The following SLU7 variants were observed in gnomAD, a reference collection of about 807,000 sequenced individuals.
The protein encoded by SLU7 is pre-mRNA-splicing factor SLU7.
Under a neutral mutation model 87.0 loss-of-function variants are expected in SLU7, and 60 were observed. The observed-to-expected ratio is 0.69, with a 90% CI of 0.56 to 0.86. SLU7 has a LOEUF of 0.86. Among genes scored for constraint, SLU7 ranks in the 40% least tolerant of loss-of-function variants. The pLI, the probability that SLU7 is intolerant of heterozygous loss-of-function variation, is 0.00. For synonymous variants in SLU7, 197 were observed against 222.0 expected (o/e 0.89, Z 1.00); for missense variants, 507 against 686.6 (o/e 0.74, Z 2.92).
At position 160,408,480 on chromosome 5, in the gene SLU7, G is replaced by C. The variant is rs777783134; in HGVS notation, c.688-20C>G. ...TTTTTCCTAAAAGAGGGAGAGGAAG[G>C]AAAAGTAAGAAGAAAAGAAAGCAGC... On this transcript the variant is annotated intron_variant, in intron 7 of 15. Transcript: ENST00000297151. 127 of 1,574,204 alleles carry C rather than the reference G, an allele frequency of 8.1e-5. 2 individuals carry two copies. The South Asian group carries it at 1.5e-3, about 18-fold the overall frequency.
At chr5:160,403,648 A>G (rs1764882000) in intron 15 of SLU7, among the ~76,000 whole-genome samples, 184 bp from the exon 16 acceptor site, 2 of 152,266 alleles carry the variant, frequency 1.3e-5, no homozygotes, top group African/African-American at 4.8e-5. Flanking sequence ...TTTGGCTTAT[A>G]TGATATTTTT....
intron 2 of SLU7, among the ~76,000 whole-genome samples, chr5:160,414,713 G>A (rs900298544): frequency 6.6e-6 from 1 of 152,074 alleles, no homozygotes; most frequent in African/African-American, 2.4e-5. Flanking sequence ...ACTGAAGGGG[G>A]ACAAGAGAGG....
rs768438795 is a variant in SLU7, at chr5:160,404,540, A to G, written c.1481T>C (p.Leu494Pro). The G allele has an allele frequency of 1.2e-6, 2 of 1,601,552 alleles. No homozygotes were observed. Among genetic ancestry groups the G allele is most frequent in the Non-Finnish European group, 8.5e-7 (1 of 1,172,876 alleles). ...QTLMELHQEK[L>P]KEEKKKKKKK... ...TTTCTTCTTCTTCTTTTCCTCTTTC[A>G]GTTTTTCTTGATGCAGCTGAAAGGG... The change falls in exon 15 of 16, where the codon CTG (leucine) becomes CCG (proline). Residue 494 changes from leucine (L) to proline (P), a missense_variant. This residue lies in a region of SLU7 where 201 missense variants were observed against 213.4 expected (regional missense o/e 0.94). Coordinates refer to ENST00000297151, the MANE Select transcript of SLU7 (RefSeq NM_006425.5).
intron 4 of SLU7, 54 bp downstream of exon 4, chr5:160,413,845 A>G (rs1765341830): frequency 7.8e-7 from 1 of 1,282,300 alleles, no homozygotes; most frequent in Non-Finnish European, 1.1e-6. Flanking sequence ...TCTCTGACAA[A>G]GAAAAAAGAA....
chr5:160,404,170 A>C (rs574561273), intron 15 of SLU7, among the ~76,000 whole-genome samples: 2 of 152,184 alleles, frequency 1.3e-5, no homozygotes, highest in Non-Finnish European at 2.9e-5. Flanking sequence ...TTGAGACCAG[A>C]CTGGGCAACA....
chr5:160,412,599 A>T, intron 5 of SLU7, 80 bp from the exon 6 acceptor site: 1 of 795,076 alleles, frequency 1.3e-6, no homozygotes, highest in Non-Finnish European at 2.0e-6. Flanking sequence ...TCACCACCTA[A>T]ATTTTTATAT....
rs528711179 is a variant in SLU7, at chr5:160,417,652, C to T, written c.-17+1371G>A. Among the ~76,000 whole-genome samples, 192 of 152,152 alleles carry T rather than the reference C, an allele frequency of 1.3e-3. 2 individuals are homozygous for T. The highest frequency in any genetic ancestry group is 4.4e-3 in the African/African-American group (183 of 41,516). On this transcript the variant is annotated intron_variant, in intron 1 of 15. Coordinates refer to ENST00000297151, the MANE Select transcript of SLU7 (RefSeq NM_006425.5). Reference sequence around the variant, plus strand: ...AGCATATACAAAAAAATCAGCCAGGCGTGGTGGCGTGCACCTGTAATCCTA... The same window carrying T: ...AGCATATACAAAAAAATCAGCCAGGTGTGGTGGCGTGCACCTGTAATCCTA...
In SLU7 at chr5:160,408,404, G is replaced by A. The variant is rs753516578; in HGVS notation, c.744C>T (p.Asp248=). The A allele has an allele frequency of 1.2e-6, 2 of 1,610,502 alleles. No individual in the cohort carries two copies. The highest frequency in any genetic ancestry group is 1.7e-6 in the Non-Finnish European group (2 of 1,177,938). ...EDEDKYADDI[D]MPGQNFDSKR... is the part of the protein sequence containing the mutation. ...TGGAGTCAAAATTCTGTCCAGGCATGTCAATATCATCTGCATATTTATCTT... is the reference window on the plus strand; with the variant it reads ...TGGAGTCAAAATTCTGTCCAGGCATATCAATATCATCTGCATATTTATCTT... The change falls in exon 8 of 16, where the codon GAC becomes GAT. Residue 248 remains aspartate (D), a synonymous_variant. Transcript: ENST00000297151.
rs536101888 is a variant in SLU7, at chr5:160,403,080, C to T, written c.*205G>A. Reference sequence around the variant, plus strand: ...TCTTAATCCAATTTTAAATTCTATTCCCAAAAGCACACTTCATGTGCCTCT... The same window carrying T: ...TCTTAATCCAATTTTAAATTCTATTTCCAAAAGCACACTTCATGTGCCTCT... On this transcript the variant is annotated 3_prime_UTR_variant, in exon 16 of 16. Transcript: ENST00000297151. The T allele has an allele frequency of 2.6e-5, 10 of 382,352 alleles. No homozygotes were observed. The highest frequency in any genetic ancestry group is 4.6e-5 in the Non-Finnish European group (10 of 216,818). 23.7% of individuals were successfully genotyped at this position (382,352 alleles called of 1,614,324 possible).
chr5:160,404,433 A>G lies in SLU7; in HGVS notation c.1581+7T>C. ...GTCACTTTTACTATTTAGACTTCAC[A>G]AATTACCTTTTTCAATTTTTCATGC... On this transcript the variant is annotated splice_region_variant and intron_variant, in intron 15 of 15. Coordinates refer to ENST00000297151, the MANE Select transcript of SLU7 (RefSeq NM_006425.5). 1.3e-6 allele frequency: 2 copies of G among 1,517,632 alleles called. No individual in the cohort carries two copies. Among genetic ancestry groups the G allele is most frequent in the Non-Finnish European group, 1.8e-6 (2 of 1,101,192 alleles). The allele number at this position is 1,517,632 out of a possible 1,614,324, so 94.0% of individuals were successfully genotyped here.
Position 160,414,470 on chromosome 5 carries a change from T to C in SLU7, c.173A>G (p.Asp58Gly). ...APAEVDEEGK[D>G]INPHIPQYIS... ...ATACTGAGGAATATGGGGGTTGATG[T>C]CTCTGTAATTAAAGTAAAAAAAAAA... The change falls in exon 3 of 16, where the codon GAC becomes GGC. Residue 58 changes from aspartate (D) to glycine (G), a missense_variant and splice_region_variant. Asp to Gly is a moderately conservative substitution (Grantham distance 94). Coordinates refer to ENST00000297151, the MANE Select transcript of SLU7 (RefSeq NM_006425.5). 6.5e-7 allele frequency: 1 copy of C among 1,529,014 alleles called. No homozygotes were observed. Among genetic ancestry groups the C allele is most frequent in the Non-Finnish European group, 8.8e-7 (1 of 1,142,670 alleles). The allele number at this position is 1,529,014 out of a possible 1,614,324, so 94.7% of individuals were successfully genotyped here.
At chr5:160,412,809 G>A (rs936616012) in intron 5 of SLU7, among the ~76,000 whole-genome samples, 3 of 152,038 alleles carry the variant, frequency 2.0e-5, no homozygotes, top group Admixed American at 1.3e-4. Flanking sequence ...ACAAAAACAA[G>A]CAGTTGCCAC....
chr5:160,406,348 A>AAT (rs1765011155), intron 12 of SLU7, 120 bp downstream of exon 12: 4 of 617,596 alleles, frequency 6.5e-6, no homozygotes, highest in African/African-American at 2.0e-5. Context: ...AACAGTTAAA[A>AAT]TTTTTTTTTT....
rs936717480 is a variant in SLU7 at position 160,419,036 on chromosome 5, A to T, written c.-30T>A. On this transcript the variant is annotated 5_prime_UTR_variant, in exon 1 of 16. Transcript: ENST00000297151. ...ATATTTTCTTACCCAGCCCCGCCGC[A>T]GCTAGCCCCAAGTCCATCCGACAGA... The T allele has an allele frequency of 6.6e-6, 1 of 152,272 alleles. No individual in the cohort carries two copies. Among genetic ancestry groups the T allele is most frequent in the African/African-American group, 2.4e-5 (1 of 41,472 alleles). 9.4% of individuals were successfully genotyped at this position (152,272 alleles called of 1,614,324 possible).
Position 160,412,459 on chromosome 5 carries a change from C to G in SLU7, c.631G>C (p.Glu211Gln). 6.6e-7 allele frequency: 1 copy of G among 1,524,790 alleles called. No individual in the cohort carries two copies. The highest frequency in any genetic ancestry group is 1.2e-5 in the South Asian group (1 of 83,464). 94.5% of individuals were successfully genotyped at this position (1,524,790 alleles called of 1,614,324 possible). ...TCATTTTCATTACTTACAGCCTGTT[C>G]CACTAATTTTCCTGAGGCTAATTCC... ...QEELASGKLV[E>Q]QANSPKHQWG... is the part of the protein sequence containing the mutation. Residue 211 changes from glutamate to glutamine, a missense_variant, in exon 6 of 16, where the codon GAA (glutamate) becomes CAA (glutamine). By Grantham distance (29) the Glu-to-Gln change is conservative. Transcript: ENST00000297151.
chr5:160,413,738 G>T, intron 4 of SLU7, 118 bp from the exon 5 acceptor site: 2 of 1,067,518 alleles, frequency 1.9e-6, no homozygotes, highest in Non-Finnish European at 2.7e-6. Flanking sequence ...TAGTCTTACA[G>T]TAGAAAATTT....
In SLU7 at chr5:160,414,318, C is replaced by T. The variant is rs1043903478; in HGVS notation, c.324+1G>A. On this transcript the variant is annotated splice_donor_variant, in intron 3 of 15. Coordinates refer to ENST00000297151, the MANE Select transcript of SLU7 (RefSeq NM_006425.5). LOFTEE classifies it high-confidence loss of function. ...AAGATGTATACAGGTTGCCTACATA[C>T]CTCTTTTACACCCCTCTTGTACCAT... The T allele has an allele frequency of 2.5e-6, 4 of 1,593,132 alleles. No homozygotes were observed. In the African/African-American group the frequency reaches 5.4e-5, roughly 22 times the overall value.
intron 2 of SLU7, among the ~76,000 whole-genome samples, chr5:160,414,909 AG>A (rs895889365): frequency 2.0e-5 from 3 of 152,214 alleles, no homozygotes; most frequent in Admixed American, 1.3e-4. Flanking sequence ...AGAGCAGGCC[AG>A]GGGTGGGAAC....
At position 160,407,170 on chromosome 5, in the gene SLU7, A is replaced by C. The variant is rs1765048427; in HGVS notation, c.1125+306T>G. The stretch of plus-strand genomic sequence containing the variant: ...TAGGACAATTAGCCTGTTAACTGCT[A>C]AACACAAGAGTGAGGCCATCTTAGT... On this transcript the variant is annotated intron_variant, in intron 11 of 15. Coordinates refer to ENST00000297151, the MANE Select transcript of SLU7 (RefSeq NM_006425.5). The surrounding 1 kb of genome is among the most constrained non-coding windows in gnomAD (Gnocchi z 4.2). 6.6e-6 allele frequency among the ~76,000 whole-genome samples: 1 copy of C among 152,264 alleles called. No homozygotes were observed. Among genetic ancestry groups the C allele is most frequent in the Non-Finnish European group, 1.5e-5 (1 of 68,048 alleles).
Sources: allele counts gnomAD v4.1 joint callset (sites outside exome capture counted in the v4.1 genomes callset), GRCh38; gene constraint gnomAD v4.1.1; regional missense constraint gnomAD v4.1.1; non-coding constraint Gnocchi (gnomAD v3.1); transcripts MANE v1.5; gene names NCBI Gene and HGNC (gene_info 2026-07-23, HGNC 2026-07-21).